The following ABI3BP variants were observed in gnomAD, a reference collection of about 807,000 sequenced individuals.
ABI3BP encodes the protein target of Nesh-SH3.
Under a neutral mutation model 268.6 loss-of-function variants are expected in ABI3BP, and 216 were observed. The observed-to-expected ratio is 0.80, with a 90% CI of 0.72 to 0.90. The LOEUF is 0.90. Ranked by LOEUF, ABI3BP falls within the 40% of genes least tolerant of loss-of-function variation. The pLI is 0.00. For synonymous variants in ABI3BP, 730 were observed against 730.0 expected (o/e 1.00, Z 0.00); for missense variants, 2,090 against 2,182.4 (o/e 0.96, Z 0.84).
Position 100,926,249 on chromosome 3 carries a change from C to T in ABI3BP, c.259+53G>A. On this transcript the variant is annotated intron_variant, in intron 2 of 67. Coordinates refer to ENST00000471714, the MANE Select transcript of ABI3BP (RefSeq NM_001375547.2). ...ATCAAGATTTGTAGGTCATGTTACACCCCCCCACCTCTTACCTCCTTTCCT... is the reference window on the plus strand; with the variant it reads ...ATCAAGATTTGTAGGTCATGTTACATCCCCCCACCTCTTACCTCCTTTCCT... 3.2e-6 allele frequency: 5 copies of T among 1,558,848 alleles called. No individual in the cohort carries two copies. The South Asian group carries it at 3.4e-5, about 11-fold the overall frequency.
chr3:100,761,631 A>G (rs1191599684), intron 63 of ABI3BP, among the ~76,000 whole-genome samples: 1 of 152,146 alleles, frequency 6.6e-6, no homozygotes, highest in African/African-American at 2.4e-5. Flanking sequence ...AGGTTGGTAT[A>G]CACTGTGAAA....
At chr3:100,856,345 T>G (rs774663106) in intron 14 of ABI3BP, among the ~76,000 whole-genome samples, 2 of 152,202 alleles carry the variant, frequency 1.3e-5, no homozygotes, top group Non-Finnish European at 2.9e-5. Flanking sequence ...TTCTACAAAG[T>G]ACTGTAAGAA....
intron 14 of ABI3BP, among the ~76,000 whole-genome samples, chr3:100,852,586 T>A (rs748451920): frequency 6.6e-6 from 1 of 152,160 alleles, no homozygotes; most frequent in Non-Finnish European, 1.5e-5. Flanking sequence ...CACACTGAAA[T>A]TGTCCCATCC....
intron 59 of ABI3BP, 72 bp from the exon 60 acceptor site, chr3:100,775,407 C>T: frequency 1.3e-6 from 2 of 1,528,772 alleles, no homozygotes; most frequent in Non-Finnish European, 1.8e-6. Flanking sequence ...TTTATTTATT[C>T]CATAAATGTT....
intron 21 of ABI3BP, among the ~76,000 whole-genome samples, chr3:100,841,707 G>T (rs1257118379): frequency 6.6e-6 from 1 of 152,018 alleles, no homozygotes; most frequent in Non-Finnish European, 1.5e-5. Context: ...TGGCCAGCGT[G>T]GTGAAACCCT....
intron 1 of ABI3BP, among the ~76,000 whole-genome samples, chr3:100,985,489 T>C (rs1562310272): frequency 6.6e-6 from 1 of 152,154 alleles, no homozygotes; most frequent in African/African-American, 2.4e-5. Flanking sequence ...ATCAGGTTCA[T>C]AGGTGTTCAT....
intron 2 of ABI3BP, among the ~76,000 whole-genome samples, chr3:100,918,572 G>A (rs939968947): frequency 6.6e-6 from 1 of 152,048 alleles, no homozygotes; most frequent in African/African-American, 2.4e-5. Flanking sequence ...GGACTGAAAT[G>A]TCTATCCTGG....
intron 9 of ABI3BP, among the ~76,000 whole-genome samples, chr3:100,871,815 A>G (rs987635256): frequency 3.3e-5 from 5 of 152,030 alleles, no homozygotes; most frequent in Admixed American, 1.3e-4. Context: ...CATGTGTTAA[A>G]TTTTCTATGT....
chr3:100,976,376 C>T (rs1242703112), intron 1 of ABI3BP, among the ~76,000 whole-genome samples: 1 of 152,080 alleles, frequency 6.6e-6, no homozygotes, highest in African/African-American at 2.4e-5. Flanking sequence ...AGAGAAGGCG[C>T]CCTGTTCAAA....
intron 1 of ABI3BP, among the ~76,000 whole-genome samples, chr3:100,947,803 C>T (rs373880600): frequency 1.7e-4 from 26 of 152,036 alleles, no homozygotes; most frequent in East Asian, 1.4e-3. Flanking sequence ...TAAAGAGTGG[C>T]GGATAAGGCA....
At chr3:100,874,672 A>C (rs2099142731) in intron 9 of ABI3BP, among the ~76,000 whole-genome samples, 169 bp downstream of exon 9, 1 of 152,178 alleles carries the variant, frequency 6.6e-6, no homozygotes, top group South Asian at 2.1e-4. Context: ...CCATTTTCTT[A>C]TAGAATGTTA....
At chr3:100,945,655 A>G (rs1271518284) in intron 1 of ABI3BP, 2 of 449,088 alleles carry the variant, frequency 4.5e-6, no homozygotes, top group Non-Finnish European at 8.9e-6. Flanking sequence ...ATGCTGTATC[A>G]CTAGTTCAGT....
At chr3:100,764,852 A>G (rs576508705) in intron 63 of ABI3BP, among the ~76,000 whole-genome samples, 1 of 152,360 alleles carries the variant, frequency 6.6e-6, no homozygotes, top group East Asian at 1.9e-4. Context: ...AAAGTCTTTT[A>G]AGAAAATTAG....
chr3:100,835,912 A>T (rs1361044929), intron 27 of ABI3BP, among the ~76,000 whole-genome samples: 1 of 152,196 alleles, frequency 6.6e-6, no homozygotes, highest in Non-Finnish European at 1.5e-5. Context: ...CCAACAACAT[A>T]AAAAACCTGG....
chr3:100,922,949 C>T (rs2060734794), intron 2 of ABI3BP, among the ~76,000 whole-genome samples: 1 of 152,094 alleles, frequency 6.6e-6, no homozygotes, highest in African/African-American at 2.4e-5. Flanking sequence ...CAAAAAATAA[C>T]ATTTAACTTG....
At chr3:100,879,731 A>G (rs767383343) in intron 6 of ABI3BP, among the ~76,000 whole-genome samples, 1 of 152,224 alleles carries the variant, frequency 6.6e-6, no homozygotes, top group Non-Finnish European at 1.5e-5. Context: ...AAAATCATTT[A>G]GCTGAAGAAT....
intron 60 of ABI3BP, 58 bp downstream of exon 60, chr3:100,775,149 T>C: frequency 6.3e-7 from 1 of 1,576,824 alleles, no homozygotes. Flanking sequence ...CCACCAACAT[T>C]TAAAATCTTT....
At chr3:100,842,250 G>A (rs754302247) in intron 20 of ABI3BP, among the ~76,000 whole-genome samples, 18 of 152,128 alleles carry the variant, frequency 1.2e-4, no homozygotes, top group East Asian at 9.8e-4. Context: ...AGCTGTTACC[G>A]TCACTTCCCA....
rs547284683 is a variant in ABI3BP, at chr3:100,950,626, T to C, written c.80-24145A>G. 3.0e-4 allele frequency among the ~76,000 whole-genome samples: 46 copies of C among 152,172 alleles called. 1 individual carries two copies. Among genetic ancestry groups the C allele is most frequent in the Non-Finnish European group, 4.6e-4 (31 of 68,036 alleles). ...TGTTAATATCTGTGATAATTCATTCTACATGATATTATATAAGGTGTAGAC... is the reference window on the plus strand; with the variant it reads ...TGTTAATATCTGTGATAATTCATTCCACATGATATTATATAAGGTGTAGAC... On this transcript the variant is annotated intron_variant, in intron 1 of 67. Coordinates refer to ENST00000471714, the MANE Select transcript of ABI3BP (RefSeq NM_001375547.2).
Sources: gnomAD v4.1 joint callset for allele counts (sites outside exome capture counted in the v4.1 genomes callset) on GRCh38, gnomAD v4.1.1 for gene constraint, MANE v1.5 for transcripts, NCBI Gene and HGNC (gene_info 2026-07-23, HGNC 2026-07-21) for gene names.